NCKAP5: variants seen among roughly 807,000 people sequenced by gnomAD.
NCKAP5 encodes NCK associated protein 5, also known as nck-associated protein 5.
In NCKAP5, 92 loss-of-function variants were observed where a neutral mutation model predicts 167.0. The observed-to-expected ratio is 0.55, with a 90% CI of 0.47 to 0.66. NCKAP5 has a LOEUF of 0.66. NCKAP5 is among the 30% of genes least tolerant of loss of function. NCKAP5 has a pLI of 0.00. For synonymous variants in NCKAP5, 891 were observed against 877.4 expected (o/e 1.02, Z -0.27); for missense variants, 2,378 against 2,315.0 (o/e 1.03, Z -0.56).
intron 3 of NCKAP5, among the ~76,000 whole-genome samples, chr2:133,488,749 C>T (rs1197816787): frequency 2.0e-5 from 3 of 152,058 alleles, no homozygotes; most frequent in African/African-American, 2.4e-5. Flanking sequence ...AACCCCTTCT[C>T]TACTAAAAAT....
At chr2:133,583,796 C>T in the NCKAP5 span, among the ~76,000 whole-genome samples, 1 of 152,100 alleles carries the variant, frequency 6.6e-6, no homozygotes, top group Non-Finnish European at 1.5e-5. Flanking sequence ...CTCTGTCGCC[C>T]AGGCTGGAAT....
At chr2:133,470,873 C>G (rs186357435) in intron 3 of NCKAP5, among the ~76,000 whole-genome samples, 1 of 152,242 alleles carries the variant, frequency 6.6e-6, no homozygotes, top group African/African-American at 2.4e-5. Context: ...CTTTGGCTTG[C>G]GCATGGTGCG....
At chr2:132,944,040 A>G (rs1298041193) in intron 8 of NCKAP5, among the ~76,000 whole-genome samples, 2 of 152,188 alleles carry the variant, frequency 1.3e-5, no homozygotes, top group East Asian at 3.9e-4. Flanking sequence ...CAGATGCCAC[A>G]CTCATAAGGC....
chr2:132,859,668 G>A (rs112985128), intron 11 of NCKAP5, among the ~76,000 whole-genome samples: 9 of 152,326 alleles, frequency 5.9e-5, no homozygotes, highest in Admixed American at 3.9e-4. Context: ...GTGGTGGGCC[G>A]CCCTTTGCAC....
At chr2:132,883,689 C>T (rs965424625) in intron 8 of NCKAP5, among the ~76,000 whole-genome samples, 1 of 152,188 alleles carries the variant, frequency 6.6e-6, no homozygotes, top group Non-Finnish European at 1.5e-5. Context: ...GTGCCCTCTG[C>T]TTTCCATCTC....
chr2:133,053,218 C>T (rs2079669530), intron 6 of NCKAP5, among the ~76,000 whole-genome samples: 1 of 152,168 alleles, frequency 6.6e-6, no homozygotes, highest in Non-Finnish European at 1.5e-5. Context: ...GCAGTCAGGT[C>T]TAACAACCAT....
At chr2:133,253,878 C>T (rs1318175985) in intron 4 of NCKAP5, among the ~76,000 whole-genome samples, 1 of 152,192 alleles carries the variant, frequency 6.6e-6, no homozygotes, top group Non-Finnish European at 1.5e-5. Context: ...CAATGTGGAG[C>T]TCAGAGTAAG....
At chr2:133,369,626 A>C (rs988776193) in intron 3 of NCKAP5, among the ~76,000 whole-genome samples, 29 of 152,230 alleles carry the variant, frequency 1.9e-4, no homozygotes, top group African/African-American at 6.5e-4. Context: ...TATAGCAAAC[A>C]CAGGGGGATT....
intron 4 of NCKAP5, among the ~76,000 whole-genome samples, chr2:133,294,915 C>T (rs370636551): frequency 2.4e-4 from 36 of 152,232 alleles, no homozygotes; most frequent in African/African-American, 8.7e-4. Context: ...AGGGACTATA[C>T]ATGCTTTAAA....
chr2:132,866,735 T>C (rs1297876212), intron 10 of NCKAP5, among the ~76,000 whole-genome samples: 1 of 152,178 alleles, frequency 6.6e-6, no homozygotes, highest in Admixed American at 6.5e-5. Context: ...CAGTAATGCT[T>C]ATTATTTCAC....
intron 10 of NCKAP5, among the ~76,000 whole-genome samples, chr2:132,864,661 G>C (rs758674247): frequency 6.6e-6 from 1 of 152,164 alleles, no homozygotes; most frequent in Non-Finnish European, 1.5e-5. Flanking sequence ...ATTGTTATCA[G>C]CTCTAGGCTG....
At chr2:132,719,740 A>G (rs1689728193) in intron 19 of NCKAP5, among the ~76,000 whole-genome samples, 1 of 152,170 alleles carries the variant, frequency 6.6e-6, no homozygotes, top group Admixed American at 6.5e-5. Context: ...CTAAGAGGGG[A>G]GGCAGCATGC....
chr2:133,584,759 G>A, the NCKAP5 span, among the ~76,000 whole-genome samples: 1 of 152,012 alleles, frequency 6.6e-6, no homozygotes, highest in Non-Finnish European at 1.5e-5. Context: ...GTGAGCCTCT[G>A]TCTCAAAAAA....
At chr2:133,517,998 T>C (rs1684155093) in intron 2 of NCKAP5, among the ~76,000 whole-genome samples, 1 of 152,230 alleles carries the variant, frequency 6.6e-6, no homozygotes, top group Non-Finnish European at 1.5e-5. Context: ...CAAGAGTTAT[T>C]GAGCTCAAGG....
At chr2:133,330,241 TG>T (rs1309629514) in intron 3 of NCKAP5, among the ~76,000 whole-genome samples, 3 of 107,040 alleles carry the variant, frequency 2.8e-5, no homozygotes, top group African/African-American at 1.2e-4. Context: ...CTTTATTTTT[TG>T]TATTTTTTTT....
chr2:132,980,771 GA>G (rs2149266686), intron 7 of NCKAP5, among the ~76,000 whole-genome samples: 1 of 148,358 alleles, frequency 6.7e-6, no homozygotes, highest in African/African-American at 2.5e-5. Context: ...CAAAAGCTCA[GA>G]AGAAAAAAAA....
At chr2:132,752,015 G>A (rs1270829666) in intron 16 of NCKAP5, among the ~76,000 whole-genome samples, 1 of 152,210 alleles carries the variant, frequency 6.6e-6, no homozygotes, top group Admixed American at 6.5e-5. Context: ...TGCATTAATT[G>A]TCATCCTCTA....
intron 6 of NCKAP5, among the ~76,000 whole-genome samples, chr2:133,032,531 G>A (rs919282630): frequency 3.3e-5 from 5 of 152,176 alleles, no homozygotes; most frequent in Admixed American, 1.3e-4. Context: ...AGGGGCCTGG[G>A]GGACCTCACC....
intron 4 of NCKAP5, among the ~76,000 whole-genome samples, chr2:133,238,428 A>G (rs1260571957): frequency 2.0e-5 from 3 of 152,146 alleles, no homozygotes; most frequent in Admixed American, 1.3e-4. Context: ...CATTCTCTCT[A>G]TGACTAACTA....
Sources: gnomAD v4.1 joint callset for allele counts (sites outside exome capture counted in the v4.1 genomes callset) on GRCh38, gnomAD v4.1.1 for gene constraint, MANE v1.5 for transcripts, NCBI Gene and HGNC (gene_info 2026-07-23, HGNC 2026-07-21) for gene names.